Variants in DYNC2H1 observed in about 807,000 individuals in gnomAD.
DYNC2H1 encodes dynein cytoplasmic 2 heavy chain 1.
DYNC2H1 carries 410 observed loss-of-function variants against 570.0 expected under a neutral mutation model. The observed-to-expected ratio is 0.72, with a 90% CI of 0.66 to 0.78. DYNC2H1 has a LOEUF of 0.78. Among genes scored for constraint, DYNC2H1 ranks in the 30% least tolerant of loss-of-function variants. DYNC2H1 has a pLI of 0.00. For synonymous variants in DYNC2H1, 1,688 were observed against 1,677.6 expected (o/e 1.01, Z -0.15); for missense variants, 4,865 against 5,046.4 (o/e 0.96, Z 1.09).
chr11:103,417,297 T>G (rs932728852), intron 84 of DYNC2H1, among the ~76,000 whole-genome samples: 30 of 151,342 alleles, frequency 2.0e-4, no homozygotes, highest in African/African-American at 6.8e-4. Context: ...TCAGGGGGGT[T>G]TCACCATGTT....
At position 103,429,430 on chromosome 11, in the gene DYNC2H1, T is replaced by C. The variant is rs1191997761; in HGVS notation, c.12367-6513T>C. On this transcript the variant is annotated intron_variant, in intron 84 of 88. Coordinates refer to ENST00000375735, the MANE Select transcript of DYNC2H1 (RefSeq NM_001377.3). ...TCTGAAAGTCCTTAGTTTGCTCATGTACCATTTTATAATCCTTTTTCTGTA... is the reference window on the plus strand; with the variant it reads ...TCTGAAAGTCCTTAGTTTGCTCATGCACCATTTTATAATCCTTTTTCTGTA... Among the ~76,000 whole-genome samples the C allele has an allele frequency of 2.0e-5, 3 of 148,386 alleles. No individual in the cohort carries two copies. The South Asian group carries it at 6.6e-4, about 33-fold the overall frequency.
chr11:103,373,647 A>G (rs969655443), intron 83 of DYNC2H1, among the ~76,000 whole-genome samples: 1 of 152,324 alleles, frequency 6.6e-6, no homozygotes, highest in South Asian at 2.1e-4. Flanking sequence ...GCAGTTGAGA[A>G]GAATGTGTAT....
Position 103,395,104 on chromosome 11 carries a change from T to G in DYNC2H1, c.12157-4559T>G, listed in dbSNP as rs12274487. ...CATAATTTAATCCAGATATGTAATA[T>G]TTTGACCTTTCTGATCGTAGATGCT... On this transcript the variant is annotated intron_variant, in intron 83 of 88. Coordinates refer to ENST00000375735, the MANE Select transcript of DYNC2H1 (RefSeq NM_001377.3). The surrounding 1 kb of genome is among the most constrained non-coding windows in gnomAD (Gnocchi z 4.3). Among the ~76,000 whole-genome samples, 13,314 of 152,200 alleles carry G rather than the reference T, an allele frequency of 0.087. 1,220 individuals carry two copies. The highest frequency in any genetic ancestry group is 0.22 in the African/African-American group (9,140 of 41,500).
intron 83 of DYNC2H1, among the ~76,000 whole-genome samples, chr11:103,382,471 T>G (rs1225019190): frequency 6.6e-6 from 1 of 152,226 alleles, no homozygotes; most frequent in Non-Finnish European, 1.5e-5. Flanking sequence ...CTTAGGTTGC[T>G]GAACTAAAAA....
intron 12 of DYNC2H1, among the ~76,000 whole-genome samples, chr11:103,125,747 C>T (rs1207370668): frequency 6.6e-6 from 1 of 152,192 alleles, no homozygotes; most frequent in Admixed American, 6.5e-5. Context: ...CAGTCTAGCT[C>T]CATAACATGG....
intron 60 of DYNC2H1, among the ~76,000 whole-genome samples, chr11:103,233,010 T>A (rs1478121326): frequency 6.6e-6 from 1 of 152,006 alleles, no homozygotes; most frequent in Non-Finnish European, 1.5e-5. Flanking sequence ...ATAATTTAAA[T>A]TTAAATAGCC....
intron 82 of DYNC2H1, among the ~76,000 whole-genome samples, chr11:103,349,611 T>A (rs1384327132): frequency 6.6e-6 from 1 of 152,150 alleles, no homozygotes; most frequent in Non-Finnish European, 1.5e-5. Flanking sequence ...GCAAATAATA[T>A]AGCTCAGTAT....
At position 103,109,429 on chromosome 11, in the gene DYNC2H1, G is replaced by C; in HGVS notation, c.-146G>C. On this transcript the variant is annotated 5_prime_UTR_variant, in exon 1 of 89. Coordinates refer to ENST00000375735, the MANE Select transcript of DYNC2H1 (RefSeq NM_001377.3). The stretch of plus-strand genomic sequence containing the variant: ...GCCGCCGTAGTGCTCCGTCGCCATA[G>C]CGACTACCCCTGGCAACCGCGAAGC... The C allele has an allele frequency of 1.3e-6, 1 of 764,938 alleles. No homozygotes were observed. The allele number at this position is 764,938 out of a possible 1,614,324, so 47.4% of individuals were successfully genotyped here.
Position 103,199,189 on chromosome 11 carries a change from G to T in DYNC2H1, c.7840-39G>T. 1 of 1,360,932 alleles carries T rather than the reference G, an allele frequency of 7.3e-7. No individual in the cohort carries two copies. Among genetic ancestry groups the T allele is most frequent in the South Asian group, 1.6e-5 (1 of 62,888 alleles). The allele number at this position is 1,360,932 out of a possible 1,614,324, so 84.3% of individuals were successfully genotyped here. A position where few individuals can be genotyped will look rare whatever the true frequency, so the allele number is the denominator to read the frequency against. On this transcript the variant is annotated intron_variant, in intron 48 of 88. Transcript: ENST00000375735. The surrounding 1 kb of genome is among the most constrained non-coding windows in gnomAD (Gnocchi z 4.6). ...GTAACATTTTTATTATGTAATTAGG[G>T]CTTATATTAATTATAAAATATTCTG...
At chr11:103,320,925 G>A in intron 80 of DYNC2H1, 104 bp from the exon 81 acceptor site, 11 of 833,056 alleles carry the variant, frequency 1.3e-5, no homozygotes, top group Non-Finnish European at 2.0e-5. Context: ...AAATGATTTA[G>A]TTGTATTAAA....
Position 103,465,117 on chromosome 11 carries a change from CAGAAAAGG to C in DYNC2H1, c.12649-3465_12649-3458del, listed in dbSNP as rs1217897291. Among the ~76,000 whole-genome samples the C allele has an allele frequency of 2.7e-5, 4 of 150,652 alleles. No individual in the cohort carries two copies. The highest frequency in any genetic ancestry group is 4.4e-5 in the Non-Finnish European group (3 of 67,584). On this transcript the variant is annotated intron_variant, in intron 87 of 88. Transcript: ENST00000375735. This position sits in a 1 kb window ranked among gnomAD's most constrained non-coding sequence, Gnocchi z 4.9. ...ACTAAAATGGATATACAATCCATAGCAGAAAAGGAGAAAAAGCAAAAAAAGGTAAAGAG... is the reference window on the plus strand; with the variant it reads ...ACTAAAATGGATATACAATCCATAGCAGAAAAAGCAAAAAAAGGTAAAGAG...
intron 83 of DYNC2H1, among the ~76,000 whole-genome samples, chr11:103,386,615 A>T (rs563360991): frequency 1.3e-5 from 2 of 152,122 alleles, no homozygotes; most frequent in Admixed American, 1.3e-4. Flanking sequence ...TCATCATGTA[A>T]CGTTAGATAT....
intron 84 of DYNC2H1, chr11:103,408,247 C>T (rs1296766893): frequency 1.3e-5 from 2 of 151,842 alleles, no homozygotes; most frequent in African/African-American, 4.8e-5. Flanking sequence ...TGAAGCAGTC[C>T]GTAGGAGCCT....
intron 84 of DYNC2H1, among the ~76,000 whole-genome samples, chr11:103,418,694 A>ACAAAGAAC (rs1565582658): frequency 2.0e-5 from 3 of 151,934 alleles, no homozygotes; most frequent in Non-Finnish European, 4.4e-5. Flanking sequence ...GAACAAAGAA[A>ACAAAGAAC]AGCAGTGTGG....
At chr11:103,285,454 G>A (rs866390277) in intron 73 of DYNC2H1, among the ~76,000 whole-genome samples, 26 of 134,368 alleles carry the variant, frequency 1.9e-4, no homozygotes, top group Middle Eastern at 4.6e-3. Flanking sequence ...ACAGAGTCTC[G>A]CTCTGTTATC....
intron 73 of DYNC2H1, 47 bp from the exon 74 acceptor site, chr11:103,286,208 T>C: frequency 1.3e-6 from 2 of 1,593,278 alleles, no homozygotes; most frequent in South Asian, 2.3e-5. Context: ...ATGTATGTGC[T>C]TATATTTGCT....
At chr11:103,373,599 AT>A (rs1399524558) in intron 83 of DYNC2H1, among the ~76,000 whole-genome samples, 1 of 152,176 alleles carries the variant, frequency 6.6e-6, no homozygotes, top group African/African-American at 2.4e-5. Context: ...CTTAAAACTT[AT>A]TTTGTGGCCT....
chr11:103,332,285 A>G (rs960800209), intron 82 of DYNC2H1, among the ~76,000 whole-genome samples: 8 of 149,232 alleles, frequency 5.4e-5, no homozygotes, highest in Admixed American at 2.7e-4. Flanking sequence ...AGTTACCCAA[A>G]CTGAAACATA....
At chr11:103,468,833 T>C in intron 88 of DYNC2H1, 128 bp downstream of exon 88, 1 of 656,278 alleles carries the variant, frequency 1.5e-6, no homozygotes. Flanking sequence ...TTTGAACAAA[T>C]TTGCAGTCAA....
Sources: gnomAD v4.1 joint callset for allele counts (sites outside exome capture counted in the v4.1 genomes callset) on GRCh38, gnomAD v4.1.1 for gene constraint, Gnocchi (gnomAD v3.1) non-coding constraint, MANE v1.5 for transcripts, NCBI Gene and HGNC (gene_info 2026-07-23, HGNC 2026-07-21) for gene names.